ULK4: variants seen among roughly 807,000 people sequenced by gnomAD.
ULK4 encodes inactive serine/threonine-protein kinase ULK4.
ULK4 carries 133 observed loss-of-function variants against 160.6 expected under a neutral mutation model. That is an observed-to-expected ratio of 0.83 (90% CI 0.72 to 0.96). ULK4 has a LOEUF of 0.96. Ranked by LOEUF, ULK4 falls within the 40% of genes least tolerant of loss-of-function variation. The pLI is 0.00. For missense variants in ULK4, 1,580 were observed against 1,499.5 expected (o/e 1.05, Z -0.89); for synonymous variants, 534 against 539.8 (o/e 0.99, Z 0.15).
chr3:41,425,413 G>A (rs2082755983), intron 34 of ULK4, among the ~76,000 whole-genome samples: 1 of 152,258 alleles, frequency 6.6e-6, no homozygotes, highest in African/African-American at 2.4e-5. Context: ...AACCTATCCA[G>A]ACAGGCCAAC....
chr3:41,681,650 C>G lies in ULK4; in HGVS notation c.2836G>C (p.Glu946Gln), dbSNP rs1432017157. The G allele has an allele frequency of 1.2e-5, 20 of 1,613,044 alleles. No homozygotes were observed. The highest frequency in any genetic ancestry group is 1.6e-5 in the Non-Finnish European group (19 of 1,179,816). ...LVSLVQSQNV[E>Q]WRLFSLRLLS... ...AACCGCAAGCTAAAGAGTCTCCACT[C>G]CACTTGAAAGAAAAAAAAAATGCCA... The change falls in exon 29 of 37, where the codon GAG (glutamate) becomes CAG (glutamine). Residue 946 changes from glutamate (E) to glutamine (Q), a missense_variant and splice_region_variant. By Grantham distance (29) the Glu-to-Gln change is conservative (BLOSUM62 2). Transcript: ENST00000301831.
intron 30 of ULK4, among the ~76,000 whole-genome samples, chr3:41,624,721 C>T (rs1055250426): frequency 1.3e-5 from 2 of 151,942 alleles, no homozygotes; most frequent in African/African-American, 4.8e-5. Context: ...AGTGGTAAGC[C>T]TAATAAGGAC....
chr3:41,326,412 T>C (rs2080338984), intron 35 of ULK4, among the ~76,000 whole-genome samples: 2 of 151,918 alleles, frequency 1.3e-5, no homozygotes, highest in African/African-American at 4.8e-5. Flanking sequence ...TGAAAAAATG[T>C]ATTAACCTTA....
intron 34 of ULK4, among the ~76,000 whole-genome samples, chr3:41,440,580 T>C (rs1299920606): frequency 6.6e-6 from 1 of 152,178 alleles, no homozygotes; most frequent in African/African-American, 2.4e-5. Flanking sequence ...GTTTAAATTT[T>C]TGCATCTATG....
chr3:41,908,431 T>C (rs1029846706), intron 11 of ULK4, among the ~76,000 whole-genome samples: 6 of 152,076 alleles, frequency 3.9e-5, no homozygotes, highest in Non-Finnish European at 5.9e-5. Flanking sequence ...CCTGGATCCA[T>C]GGTTTTGAGC....
chr3:41,663,685 A>G lies in ULK4; in HGVS notation c.2993T>C (p.Leu998Pro), dbSNP rs200586304. 28 of 1,613,910 alleles carry G rather than the reference A, an allele frequency of 1.7e-5. No individual in the cohort carries two copies. The highest frequency in any genetic ancestry group is 2.3e-5 in the Non-Finnish European group (27 of 1,179,840). Residue 998 changes from leucine (L) to proline (P), a missense_variant, in exon 30 of 37, where the codon CTT (leucine) becomes CCT (proline). Transcript: ENST00000301831. ...DVLLPQYEHI[L>P]LEPDPVPAYA... ...TGCTGGTACTGGGTCAGGTTCTAAA[A>G]GAATGTGCTCATACCTGAAATGGTA...
At chr3:41,922,878 A>C (rs1699241781) in intron 5 of ULK4, among the ~76,000 whole-genome samples, 1 of 152,158 alleles carries the variant, frequency 6.6e-6, no homozygotes, top group African/African-American at 2.4e-5. Context: ...ATCATCAAGA[A>C]TCCCTGAACC....
At chr3:41,565,705 A>T (rs936006453) in intron 32 of ULK4, among the ~76,000 whole-genome samples, 4 of 152,108 alleles carry the variant, frequency 2.6e-5, no homozygotes, top group Non-Finnish European at 2.9e-5. Context: ...TTTTGTTTTA[A>T]ATTACTCAGT....
chr3:41,580,214 G>T (rs1012277592), intron 31 of ULK4, among the ~76,000 whole-genome samples: 1 of 152,104 alleles, frequency 6.6e-6, no homozygotes, highest in Admixed American at 6.5e-5. Context: ...ATTTATAGGG[G>T]TTGAGCACAG....
intron 34 of ULK4, among the ~76,000 whole-genome samples, chr3:41,443,659 C>A (rs1170005431): frequency 1.3e-5 from 2 of 151,986 alleles, no homozygotes; most frequent in Admixed American, 6.6e-5. Context: ...GAAATTTGTG[C>A]ATATTAGAAC....
At chr3:41,365,358 A>T (rs2081235166) in intron 35 of ULK4, among the ~76,000 whole-genome samples, 1 of 152,254 alleles carries the variant, frequency 6.6e-6, no homozygotes, top group African/African-American at 2.4e-5. Flanking sequence ...AATAGTCTCA[A>T]ATAACCAGCA....
At chr3:41,547,827 T>C (rs1440199022) in intron 32 of ULK4, among the ~76,000 whole-genome samples, 7 of 152,140 alleles carry the variant, frequency 4.6e-5, no homozygotes, top group African/African-American at 1.2e-4. Context: ...TTTCCAGCAA[T>C]CTAGCCCATG....
chr3:41,300,836 ATTATATATAT>A (rs1250438088), intron 35 of ULK4, among the ~76,000 whole-genome samples: 1,158 of 79,436 alleles, frequency 0.015, 54 homozygotes, highest in Non-Finnish European at 0.02. Context: ...CATTTTACAG[ATTATATATAT>A]ATATATATAT....
intron 17 of ULK4, among the ~76,000 whole-genome samples, chr3:41,882,444 T>A (rs1167156866): frequency 6.6e-6 from 1 of 152,208 alleles, no homozygotes; most frequent in African/African-American, 2.4e-5. Flanking sequence ...AAGCACTCAA[T>A]AGCCATAGTG....
chr3:41,379,202 T>A (rs1393779524), intron 35 of ULK4, among the ~76,000 whole-genome samples: 1 of 145,476 alleles, frequency 6.9e-6, no homozygotes, highest in Non-Finnish European at 1.5e-5. Context: ...CTTAAAGTAT[T>A]TAAAAAAAAA....
At chr3:41,884,029 G>T in intron 16 of ULK4, 77 bp from the exon 17 acceptor site, 5 of 973,812 alleles carry the variant, frequency 5.1e-6, no homozygotes, top group Non-Finnish European at 8.3e-6. Flanking sequence ...GTTACATTAT[G>T]CAATGATGAG....
chr3:41,727,386 C>T (rs1458869667), intron 22 of ULK4, among the ~76,000 whole-genome samples: 1 of 152,154 alleles, frequency 6.6e-6, no homozygotes, highest in Non-Finnish European at 1.5e-5. Context: ...AGACAGCAAA[C>T]AAGCAACCAG....
At chr3:41,961,881 G>A (rs1671687374) in intron 1 of ULK4, 135 bp downstream of exon 1, 1 of 152,960 alleles carries the variant, frequency 6.5e-6, no homozygotes, top group African/African-American at 2.4e-5. Flanking sequence ...GGGGTACGGG[G>A]TCCACTGGCA....
chr3:41,667,528 GA>G (rs1044199946), intron 29 of ULK4, among the ~76,000 whole-genome samples: 2 of 152,124 alleles, frequency 1.3e-5, no homozygotes, highest in Non-Finnish European at 2.9e-5. Flanking sequence ...CAACTTAGCA[GA>G]AAAAAATATA....
Sources: gnomAD v4.1 joint callset for allele counts (sites outside exome capture counted in the v4.1 genomes callset) on GRCh38, gnomAD v4.1.1 for gene constraint, MANE v1.5 for transcripts, NCBI Gene and HGNC (gene_info 2026-07-23, HGNC 2026-07-21) for gene names.